CTDP1: variants seen among roughly 807,000 people sequenced by gnomAD.
CTDP1 encodes the protein CTD phosphatase 1, also known as RNA polymerase II subunit A C-terminal domain phosphatase.
Under a neutral mutation model 91.8 loss-of-function variants are expected in CTDP1, and 47 were observed. The observed-to-expected ratio is 0.51, with a 90% CI of 0.41 to 0.65. The LOEUF (loss-of-function observed/expected upper bound fraction) is 0.65, where lower values mean the gene tolerates loss of function less well. Among genes scored for constraint, CTDP1 ranks in the 30% least tolerant of loss-of-function variants. CTDP1 has a pLI of 0.00. For synonymous variants in CTDP1, 656 were observed against 598.5 expected (o/e 1.10, Z -1.40); for missense variants, 1,272 against 1,373.7 (o/e 0.93, Z 1.17).
chr18:79,722,979 C>G (rs1407853095), intron 10 of CTDP1, among the ~76,000 whole-genome samples: 1 of 152,194 alleles, frequency 6.6e-6, no homozygotes, highest in East Asian at 1.9e-4. Context: ...GTCCCCCCTG[C>G]TTGTCTGAGT....
chr18:79,733,280 C>T (rs898116783), intron 11 of CTDP1, among the ~76,000 whole-genome samples: 1 of 151,844 alleles, frequency 6.6e-6, no homozygotes, highest in East Asian at 1.9e-4. Flanking sequence ...CGGCACAGGA[C>T]GGGTGTGCGT....
intron 3 of CTDP1, 103 bp downstream of exon 3, chr18:79,696,173 T>C (rs1326962290): frequency 2.1e-6 from 2 of 934,918 alleles, no homozygotes; most frequent in Non-Finnish European, 3.3e-6. Context: ...GTGGTTGTCA[T>C]CGTCGTTACT....
At position 79,695,970 on chromosome 18, in the gene CTDP1, C is replaced by T; in HGVS notation, c.399-7C>T. ...TGAAAGCCCTGAACCTGTCCTTGCA[C>T]TTGCAGGTTGCAGAGTAAGAACGGG... is the stretch of plus-strand genomic sequence containing the variant. On this transcript the variant is annotated splice_polypyrimidine_tract_variant and splice_region_variant and intron_variant, in intron 2 of 12. Transcript: ENST00000613122. 3 of 1,611,632 alleles carry T rather than the reference C, an allele frequency of 1.9e-6. No individual in the cohort carries two copies. The highest frequency in any genetic ancestry group is 1.3e-5 in the African/African-American group (1 of 75,052).
upstream of CTDP1, among the ~76,000 whole-genome samples, chr18:79,677,076 A>G (rs992240825): frequency 1.3e-5 from 2 of 152,214 alleles, no homozygotes; most frequent in Non-Finnish European, 2.9e-5. Context: ...TTCCCATTTT[A>G]CAGAATTATT....
At chr18:79,727,817 A>G (rs2086481380) in intron 10 of CTDP1, among the ~76,000 whole-genome samples, 1 of 152,164 alleles carries the variant, frequency 6.6e-6, no homozygotes, top group African/African-American at 2.4e-5. Context: ...CATCCAGGGA[A>G]GAACCAGCAG....
chr18:79,714,373 C>A, intron 7 of CTDP1, 118 bp from the exon 8 acceptor site: 1 of 1,194,642 alleles, frequency 8.4e-7, no homozygotes, highest in Non-Finnish European at 1.2e-6. Flanking sequence ...GTTGCCAAGG[C>A]CTGGTCTAGA....
intron 10 of CTDP1, among the ~76,000 whole-genome samples, chr18:79,725,672 C>T (rs1331210594): frequency 2.0e-5 from 3 of 152,042 alleles, no homozygotes; most frequent in African/African-American, 4.8e-5. Flanking sequence ...TTCCTGCTTC[C>T]GTCCTCACGG....
chr18:79,734,423 A>G (rs1568211738), intron 11 of CTDP1, among the ~76,000 whole-genome samples: 1 of 152,260 alleles, frequency 6.6e-6, no homozygotes, highest in Non-Finnish European at 1.5e-5. Flanking sequence ...AGCATGATGT[A>G]GGCGAGGTCA....
chr18:79,754,949 CT>C (rs2122930817), downstream of CTDP1: 1 of 152,436 alleles, frequency 6.6e-6, no homozygotes, highest in Admixed American at 6.5e-5. Flanking sequence ...CACACTCCTG[CT>C]TTCCGACGGC....
At chr18:79,728,038 C>T (rs1275999963) in intron 10 of CTDP1, among the ~76,000 whole-genome samples, 1 of 152,152 alleles carries the variant, frequency 6.6e-6, no homozygotes, top group African/African-American at 2.4e-5. Flanking sequence ...TTGGCCCTTT[C>T]TAGTTGATTT....
intron 11 of CTDP1, among the ~76,000 whole-genome samples, chr18:79,729,519 T>TTAC (rs1225957243): frequency 3.3e-5 from 5 of 152,206 alleles, no homozygotes; most frequent in African/African-American, 9.6e-5. Flanking sequence ...CACGTGGGCC[T>TTAC]TAAACACACG....
intron 12 of CTDP1, among the ~76,000 whole-genome samples, chr18:79,739,855 T>C (rs534466030): frequency 0.011 from 614 of 57,482 alleles, 36 homozygotes; most frequent in African/African-American, 0.038. Flanking sequence ...GGGACTCTCA[T>C]ACCCACGGCC....
chr18:79,735,514 G>C (rs539769753), intron 11 of CTDP1: 1 of 152,660 alleles, frequency 6.6e-6, no homozygotes, highest in African/African-American at 2.4e-5. Context: ...CCCTCCGCTA[G>C]TCATCGGCCG....
chr18:79,689,285 A>G (rs2085571128), intron 1 of CTDP1, among the ~76,000 whole-genome samples: 1 of 152,166 alleles, frequency 6.6e-6, no homozygotes, highest in South Asian at 2.1e-4. Flanking sequence ...TGTCTGTTGT[A>G]AAAAGTTACA....
intron 5 of CTDP1, among the ~76,000 whole-genome samples, chr18:79,706,299 G>A (rs935389381): frequency 3.9e-5 from 6 of 152,182 alleles, no homozygotes; most frequent in Non-Finnish European, 2.9e-5. Context: ...AGCCCAGGCC[G>A]ACTAAGCTGC....
intron 1 of CTDP1, among the ~76,000 whole-genome samples, chr18:79,687,696 G>A (rs1447524826): frequency 6.6e-6 from 1 of 151,812 alleles, no homozygotes; most frequent in Non-Finnish European, 1.5e-5. Context: ...GACTTCTCCA[G>A]TTCACTGGTG....
intron 12 of CTDP1, among the ~76,000 whole-genome samples, chr18:79,741,822 C>T (rs549766305): frequency 1.3e-5 from 2 of 152,332 alleles, no homozygotes; most frequent in Non-Finnish European, 2.9e-5. Flanking sequence ...AACACTCACA[C>T]ATCAAAGTTG....
chr18:79,750,354 T>C (rs1310214200), intron 12 of CTDP1, among the ~76,000 whole-genome samples: 4 of 152,138 alleles, frequency 2.6e-5, no homozygotes, highest in Non-Finnish European at 5.9e-5. Flanking sequence ...CCCAGCTAAT[T>C]TGCAACCCCT....
upstream of CTDP1, among the ~76,000 whole-genome samples, chr18:79,677,052 A>C (rs1346809694): frequency 6.6e-6 from 1 of 152,264 alleles, no homozygotes. Context: ...AAGTCCATAC[A>C]TAACACACGG....
Sources: allele counts gnomAD v4.1 joint callset (sites outside exome capture counted in the v4.1 genomes callset), GRCh38; gene constraint gnomAD v4.1.1; transcripts MANE v1.5; gene names NCBI Gene and HGNC (gene_info 2026-07-23, HGNC 2026-07-21).